CPLX2: variants seen among roughly 807,000 people sequenced by gnomAD.
CPLX2 encodes complexin-2.
In CPLX2, 5 loss-of-function variants were observed where a neutral mutation model predicts 16.3. The ratio of observed to expected loss-of-function variants is 0.31; its 90% CI spans 0.16 to 0.64. CPLX2 has a LOEUF of 0.64. CPLX2 is among the 30% of genes least tolerant of loss of function. CPLX2 has a pLI of 0.79. For synonymous variants in CPLX2, 89 were observed against 73.2 expected (o/e 1.22, Z -1.10); for missense variants, 144 against 181.4 (o/e 0.79, Z 1.18).
At chr5:175,867,853 T>C (rs1315612291), upstream of CPLX2, among the ~76,000 whole-genome samples, 1 of 152,196 alleles carries the variant, frequency 6.6e-6, no homozygotes, top group Non-Finnish European at 1.5e-5. Flanking sequence ...CCTCACACCA[T>C]GCCATTCCAT....
intron 2 of CPLX2, among the ~76,000 whole-genome samples, chr5:175,824,678 G>A (rs376242198): frequency 4.6e-5 from 7 of 152,240 alleles, no homozygotes; most frequent in Admixed American, 2.0e-4. Flanking sequence ...CTCCTACTAC[G>A]CACCAGACCC....
intron 2 of CPLX2, among the ~76,000 whole-genome samples, chr5:175,856,221 T>C (rs914165857): frequency 6.6e-6 from 1 of 152,222 alleles, no homozygotes; most frequent in Non-Finnish European, 1.5e-5. Flanking sequence ...CCTCATAAGG[T>C]GGTTGTGTGG....
intron 2 of CPLX2, among the ~76,000 whole-genome samples, chr5:175,847,093 G>A (rs1242802304): frequency 2.0e-5 from 3 of 152,230 alleles, no homozygotes; most frequent in African/African-American, 7.2e-5. Flanking sequence ...GAGTCTGGGT[G>A]TGTAAATAAA....
chr5:175,862,836 C>G (rs554939751), intron 2 of CPLX2, among the ~76,000 whole-genome samples: 3 of 152,166 alleles, frequency 2.0e-5, no homozygotes, highest in African/African-American at 7.2e-5. Flanking sequence ...CAGTCCAGCC[C>G]AGTTCATGTG....
Position 175,797,883 on chromosome 5 carries a change from T to A in CPLX2, c.-169+1099T>A, listed in dbSNP as rs142249145. Among the ~76,000 whole-genome samples the A allele has an allele frequency of 1.0e-3, 158 of 152,276 alleles. No homozygotes were observed. The East Asian group carries it at 0.014, about 14-fold the overall frequency. ...GAGGTTCCCAAACAGGGAAGCCAGT[T>A]CCGCGGCAGGAAAGCATACGTGGAA... On this transcript the variant is annotated intron_variant, in intron 1 of 4. Coordinates refer to the CPLX2 transcript ENST00000359546.
At chr5:175,852,886 A>C (rs987404644) in intron 2 of CPLX2, among the ~76,000 whole-genome samples, 1 of 151,816 alleles carries the variant, frequency 6.6e-6, no homozygotes, top group African/African-American at 2.4e-5. Flanking sequence ...TGTGGGTACC[A>C]CTCTCGATAG....
At chr5:175,827,088 A>G (rs1170874916) in intron 2 of CPLX2, among the ~76,000 whole-genome samples, 2 of 152,212 alleles carry the variant, frequency 1.3e-5, no homozygotes, top group African/African-American at 4.8e-5. Flanking sequence ...CTGCAGCAAC[A>G]GGAGACTCCA....
chr5:175,879,813 C>T (rs1209427312), intron 3 of CPLX2, 35 bp from the exon 4 acceptor site: 5 of 1,582,224 alleles, frequency 3.2e-6, no homozygotes, highest in East Asian at 2.3e-5. Context: ...TTGCCCACCC[C>T]GCTTCATGCG....
chr5:175,826,464 C>T (rs955755757), intron 2 of CPLX2, among the ~76,000 whole-genome samples: 5 of 152,102 alleles, frequency 3.3e-5, no homozygotes, highest in African/African-American at 1.2e-4. Flanking sequence ...TGGGGTGGGG[C>T]TAGTGTTTAA....
intron 2 of CPLX2, among the ~76,000 whole-genome samples, chr5:175,855,117 A>G (rs1759229371): frequency 6.6e-6 from 1 of 152,214 alleles, no homozygotes; most frequent in Non-Finnish European, 1.5e-5. Flanking sequence ...CCTGGGGATT[A>G]AAGGGCATGA....
rs1295126590 is a variant in CPLX2, at chr5:175,879,841, T to C, written c.208-7T>C. The C allele has an allele frequency of 6.2e-7, 1 of 1,607,818 alleles. No homozygotes were observed. On this transcript the variant is annotated splice_polypyrimidine_tract_variant and splice_region_variant and intron_variant, in intron 3 of 3. Transcript: ENST00000393745. ...TTCATGCGCGTCTCTGCCCTCCCCC[T>C]CCCCAGTATGGGCTGAAGAAGAAGG...
intron 2 of CPLX2, among the ~76,000 whole-genome samples, chr5:175,836,464 A>C (rs1758843949): frequency 6.6e-6 from 1 of 152,220 alleles, no homozygotes; most frequent in Admixed American, 6.5e-5. Flanking sequence ...CGAGGCTCTT[A>C]CTCAAGTCCA....
intron 2 of CPLX2, among the ~76,000 whole-genome samples, chr5:175,848,958 G>A (rs1759101031): frequency 6.6e-6 from 1 of 152,218 alleles, no homozygotes; most frequent in Admixed American, 6.5e-5. Context: ...AGGGCATAGA[G>A]GAGACGGCTC....
chr5:175,863,111 T>C (rs1414881187), intron 2 of CPLX2, among the ~76,000 whole-genome samples: 2 of 152,198 alleles, frequency 1.3e-5, no homozygotes, highest in African/African-American at 4.8e-5. Flanking sequence ...TGACTGGAAG[T>C]GCACAAAGGC....
chr5:175,834,072 C>A (rs1354938387), intron 2 of CPLX2, among the ~76,000 whole-genome samples: 1 of 152,164 alleles, frequency 6.6e-6, no homozygotes. Context: ...GGCATCTTGG[C>A]ATGTAACTGA....
intron 2 of CPLX2, among the ~76,000 whole-genome samples, chr5:175,847,699 G>GCC (rs1343129898): frequency 2.0e-5 from 3 of 152,180 alleles, no homozygotes; most frequent in Non-Finnish European, 4.4e-5. Flanking sequence ...GAAGGCGGCT[G>GCC]CAGAACCTGC....
chr5:175,815,921 C>A (rs1758398890), intron 2 of CPLX2, among the ~76,000 whole-genome samples: 1 of 152,368 alleles, frequency 6.6e-6, no homozygotes, highest in South Asian at 2.1e-4. Flanking sequence ...GCCTGACACA[C>A]ATGAAGGGCT....
At chr5:175,868,756 T>TA (rs1157455935), upstream of CPLX2, among the ~76,000 whole-genome samples, 126 of 150,870 alleles carry the variant, frequency 8.4e-4, 1 homozygote, top group African/African-American at 2.4e-3. Context: ...AATGCCAATG[T>TA]AAAAAAAAAT....
intron 2 of CPLX2, among the ~76,000 whole-genome samples, chr5:175,820,877 G>A (rs201830288): frequency 3.3e-5 from 5 of 152,170 alleles, no homozygotes; most frequent in Admixed American, 2.0e-4. Context: ...GCTCAGGGCC[G>A]TGGAGATGAT....
Sources: allele counts gnomAD v4.1 joint callset (sites outside exome capture counted in the v4.1 genomes callset), GRCh38; gene constraint gnomAD v4.1.1; transcripts MANE v1.5; gene names NCBI Gene and HGNC (gene_info 2026-07-23, HGNC 2026-07-21).